ARHGAP10: variants seen among roughly 807,000 people sequenced by gnomAD.
The protein encoded by ARHGAP10 is rho GTPase-activating protein 10.
In ARHGAP10, 87 loss-of-function variants were observed where a neutral mutation model predicts 108.6. The observed-to-expected ratio is 0.80, with a 90% CI of 0.67 to 0.96. The LOEUF (loss-of-function observed/expected upper bound fraction) is 0.96, where lower values mean the gene tolerates loss of function less well. ARHGAP10 is among the 40% of genes least tolerant of loss of function. The probability of loss-of-function intolerance (pLI) is 0.00; values close to 1 mark genes in which losing one functional copy is unlikely to be tolerated. For synonymous variants in ARHGAP10, 347 were observed against 341.1 expected (o/e 1.02, Z -0.19); for missense variants, 939 against 954.5 (o/e 0.98, Z 0.21).
At chr4:147,843,892 T>C (rs1341540456) in intron 3 of ARHGAP10, among the ~76,000 whole-genome samples, 1 of 152,204 alleles carries the variant, frequency 6.6e-6, no homozygotes, top group Non-Finnish European at 1.5e-5. Flanking sequence ...TGTTCTTTCA[T>C]TTCCTGATCT....
At chr4:148,002,930 T>C (rs1740787815) in intron 18 of ARHGAP10, among the ~76,000 whole-genome samples, 1 of 152,222 alleles carries the variant, frequency 6.6e-6, no homozygotes, top group Non-Finnish European at 1.5e-5. Context: ...TCTGCTCTGA[T>C]CTTAGTTATT....
intron 15 of ARHGAP10, among the ~76,000 whole-genome samples, chr4:147,947,227 CTTTTTTTT>C (rs34782915): frequency 2.0e-5 from 2 of 101,606 alleles, no homozygotes; most frequent in African/African-American, 3.3e-5. Flanking sequence ...GAGTCACTGT[CTTTTTTTT>C]TTTTTTTTTT....
intron 18 of ARHGAP10, among the ~76,000 whole-genome samples, chr4:147,971,786 A>G (rs1463471428): frequency 6.6e-6 from 1 of 152,164 alleles, no homozygotes; most frequent in Non-Finnish European, 1.5e-5. Flanking sequence ...CATAGTTTTC[A>G]AGTAAACTGC....
intron 4 of ARHGAP10, among the ~76,000 whole-genome samples, chr4:147,852,195 G>A (rs1733899746): frequency 6.6e-6 from 1 of 152,152 alleles, no homozygotes; most frequent in African/African-American, 2.4e-5. Flanking sequence ...GGGTTTAGGG[G>A]TGACAAGCCA....
At position 147,953,532 on chromosome 4, in the gene ARHGAP10, A is replaced by C. The variant is rs113267149; in HGVS notation, c.1392-1784A>C. 3.9e-5 allele frequency among the ~76,000 whole-genome samples: 6 copies of C among 152,108 alleles called. 2 individuals carry two copies. Among genetic ancestry groups the C allele is most frequent in the African/African-American group, 1.4e-4 (6 of 41,562 alleles). On this transcript the variant is annotated intron_variant, in intron 15 of 22. Transcript: ENST00000336498. ...CCATTTCATCTGAGTTGTTGAATTT[A>C]TGGGCATAAAATTGCTCATAGTATT... is the stretch of plus-strand genomic sequence containing the variant.
At chr4:148,043,758 ATATATG>A (rs1272441964) in intron 19 of ARHGAP10, among the ~76,000 whole-genome samples, 15 of 140,402 alleles carry the variant, frequency 1.1e-4, no homozygotes, top group African/African-American at 3.2e-4. Context: ...ATATATGTAT[ATATATG>A]TGTATATATA....
chr4:147,965,037 A>G lies in ARHGAP10; in HGVS notation c.1464A>G (p.Pro488=), dbSNP rs1403339450. ...DFIVPAKSGS[P]ESRVNAIHFL... is the part of the protein sequence containing the mutation. ...TTTTTTTGGAAGAAAGCGGCAGCCCAGAATCTCGTGTTAATGCGATCCATT... is the reference window on the plus strand; with the variant it reads ...TTTTTTTGGAAGAAAGCGGCAGCCCGGAATCTCGTGTTAATGCGATCCATT... The change falls in exon 17 of 23, where the codon CCA becomes CCG. Residue 488 remains proline, a synonymous_variant. Coordinates refer to ENST00000336498, the MANE Select transcript of ARHGAP10 (RefSeq NM_024605.4). 4 of 1,573,222 alleles carry G rather than the reference A, an allele frequency of 2.5e-6. No homozygotes were observed. The highest frequency in any genetic ancestry group is 3.4e-6 in the Non-Finnish European group (4 of 1,163,040).
chr4:147,908,772 G>C (rs1736610485), intron 11 of ARHGAP10, among the ~76,000 whole-genome samples: 2 of 152,170 alleles, frequency 1.3e-5, no homozygotes, highest in Non-Finnish European at 1.5e-5. Context: ...TCACTCCATA[G>C]CTGTACGGCT....
intron 10 of ARHGAP10, among the ~76,000 whole-genome samples, chr4:147,897,366 G>T (rs569530628): frequency 8.9e-4 from 135 of 151,998 alleles, no homozygotes; most frequent in Non-Finnish European, 1.5e-3. Flanking sequence ...GCTTCCTAAA[G>T]TGCTGTGATT....
intron 18 of ARHGAP10, among the ~76,000 whole-genome samples, chr4:148,012,066 C>T (rs536751689): frequency 1.3e-5 from 2 of 152,286 alleles, no homozygotes; most frequent in East Asian, 1.9e-4. Context: ...ATTAGCATGT[C>T]GACAGTAATA....
chr4:147,911,749 A>G (rs1736746505), intron 12 of ARHGAP10, among the ~76,000 whole-genome samples: 1 of 152,212 alleles, frequency 6.6e-6, no homozygotes, highest in Non-Finnish European at 1.5e-5. Flanking sequence ...TCTATATTAG[A>G]AAAAGTATAA....
chr4:147,992,550 C>T (rs867155254), intron 18 of ARHGAP10, among the ~76,000 whole-genome samples: 6 of 152,004 alleles, frequency 3.9e-5, no homozygotes, highest in Middle Eastern at 3.2e-3. Context: ...GGATTACAGG[C>T]GCCCACCACC....
intron 1 of ARHGAP10, among the ~76,000 whole-genome samples, chr4:147,787,951 A>C (rs867736919): frequency 6.6e-6 from 1 of 152,184 alleles, no homozygotes; most frequent in Non-Finnish European, 1.5e-5. Context: ...TAAGGGGCTT[A>C]AGGCAAAATC....
chr4:147,846,736 TA>T (rs1427855989), intron 3 of ARHGAP10, among the ~76,000 whole-genome samples: 1 of 152,246 alleles, frequency 6.6e-6, no homozygotes, highest in Non-Finnish European at 1.5e-5. Context: ...GCTACAGTCC[TA>T]GTTCTTTACA....
intron 1 of ARHGAP10, among the ~76,000 whole-genome samples, chr4:147,805,532 G>A (rs1731747160): frequency 6.6e-6 from 1 of 152,194 alleles, no homozygotes; most frequent in African/African-American, 2.4e-5. Context: ...TTGATAGGAA[G>A]AACATTGAAT....
chr4:147,911,919 TAA>T (rs1736753130), intron 12 of ARHGAP10, among the ~76,000 whole-genome samples: 1 of 118,614 alleles, frequency 8.4e-6, no homozygotes, highest in African/African-American at 3.0e-5. Flanking sequence ...AAGCTTTTCT[TAA>T]AATTTTTCCT....
intron 1 of ARHGAP10, among the ~76,000 whole-genome samples, chr4:147,738,967 G>C (rs1015138096): frequency 1.3e-5 from 2 of 151,974 alleles, no homozygotes; most frequent in African/African-American, 4.8e-5. Context: ...TGGATCACTT[G>C]AGGTTAGGAG....
intron 1 of ARHGAP10, among the ~76,000 whole-genome samples, chr4:147,781,909 A>G (rs1320922915): frequency 6.6e-6 from 1 of 152,132 alleles, no homozygotes; most frequent in East Asian, 1.9e-4. Flanking sequence ...GCTAAACTCT[A>G]GGTATCTATT....
intron 20 of ARHGAP10, among the ~76,000 whole-genome samples, chr4:148,058,587 T>A (rs1290297643): frequency 6.6e-6 from 1 of 152,202 alleles, no homozygotes; most frequent in Non-Finnish European, 1.5e-5. Context: ...TTAAGGCCCC[T>A]ACTCCCTTCC....
Sources: gnomAD v4.1 joint callset for allele counts (sites outside exome capture counted in the v4.1 genomes callset) on GRCh38, gnomAD v4.1.1 for gene constraint, MANE v1.5 for transcripts, NCBI Gene and HGNC (gene_info 2026-07-23, HGNC 2026-07-21) for gene names.